ZMYM5: variants seen among roughly 807,000 people sequenced by gnomAD.
ZMYM5 encodes zinc finger MYM-type protein 5.
In ZMYM5, 41 loss-of-function variants were observed where a neutral mutation model predicts 61.8. The observed-to-expected ratio is 0.66, with a 90% CI of 0.52 to 0.86. The LOEUF (loss-of-function observed/expected upper bound fraction) is 0.86, where lower values mean the gene tolerates loss of function less well. ZMYM5 is among the 40% of genes least tolerant of loss of function. The probability of loss-of-function intolerance (pLI) is 0.00; values close to 1 mark genes in which losing one functional copy is unlikely to be tolerated. For missense variants in ZMYM5, 706 were observed against 786.7 expected, an observed-to-expected ratio of 0.90 and a Z score of 1.23; for synonymous variants, 257 against 276.4, an observed-to-expected ratio of 0.93 and a Z score of 0.70.
chr13:19,837,348 C>CCAA (rs1952705650), intron 6 of ZMYM5: 1 of 1,217,098 alleles, frequency 8.2e-7, no homozygotes, highest in Non-Finnish European at 1.1e-6. Context: ...CCCTTGACCC[C>CCAA]CAACTCTTGA....
rs532926093 is a variant in ZMYM5, at chr13:19,856,910, G to T, written c.-10-4720C>A. Among the ~76,000 whole-genome samples, 3 of 152,102 alleles carry T rather than the reference G, an allele frequency of 2.0e-5. No individual in the cohort carries two copies. In the South Asian group the frequency reaches 6.2e-4, roughly 32 times the overall value. ...TCATGAGGTCAGGAGATCGAGACCA[G>T]CCTGGCTAACACAGTGAAACCCCGC... On this transcript the variant is annotated intron_variant, in intron 2 of 7. Coordinates refer to ENST00000337963, the MANE Select transcript of ZMYM5 (RefSeq NM_001142684.2).
chr13:19,853,716 T>A (rs1474081640), intron 2 of ZMYM5, among the ~76,000 whole-genome samples: 1 of 151,508 alleles, frequency 6.6e-6, no homozygotes, highest in African/African-American at 2.4e-5. Context: ...ATCCCCCGGC[T>A]TTAACTTCCT....
intron 7 of ZMYM5, among the ~76,000 whole-genome samples, chr13:19,834,269 C>T (rs1474199588): frequency 6.6e-6 from 1 of 151,520 alleles, no homozygotes; most frequent in Middle Eastern, 3.4e-3. Flanking sequence ...TGAGCCACCA[C>T]GTCCAGCCTA....
At chr13:19,826,782 C>T (rs1404070893) in intron 7 of ZMYM5, among the ~76,000 whole-genome samples, 1 of 150,684 alleles carries the variant, frequency 6.6e-6, no homozygotes, top group East Asian at 1.9e-4. Flanking sequence ...AAAACTGTGT[C>T]CACACAAAAA....
At chr13:19,849,796 A>G (rs901351861) in intron 4 of ZMYM5, among the ~76,000 whole-genome samples, 4 of 152,084 alleles carry the variant, frequency 2.6e-5, no homozygotes, top group African/African-American at 9.7e-5. Context: ...CCTGGCCAAC[A>G]TAGTGAAACC....
At chr13:19,845,248 T>C (rs1425860921) in intron 4 of ZMYM5, among the ~76,000 whole-genome samples, 2 of 152,212 alleles carry the variant, frequency 1.3e-5, no homozygotes, top group Non-Finnish European at 2.9e-5. Flanking sequence ...TCTACTTGTA[T>C]TCAGCCTTGT....
At chr13:19,854,440 C>T (rs1476289025) in intron 2 of ZMYM5, among the ~76,000 whole-genome samples, 2 of 152,036 alleles carry the variant, frequency 1.3e-5, no homozygotes, top group African/African-American at 4.8e-5. Flanking sequence ...GCCTGGTCAA[C>T]GTGGTGAAAC....
chr13:19,847,803 ATTT>A (rs34176871), intron 4 of ZMYM5, among the ~76,000 whole-genome samples: 1 of 79,894 alleles, frequency 1.3e-5, no homozygotes, highest in Non-Finnish European at 2.2e-5. Flanking sequence ...TGCCCGGCTA[ATTT>A]TTTTTTTTTT....
Position 19,860,292 on chromosome 13 carries a change from ATT to A in ZMYM5, c.-11+2105_-11+2106del, listed in dbSNP as rs1176148584. Among the ~76,000 whole-genome samples, 468 of 130,058 alleles carry A rather than the reference ATT, an allele frequency of 3.6e-3. 2 individuals are homozygous for A. Among genetic ancestry groups the A allele is most frequent in the South Asian group, 0.026 (108 of 4,114 alleles). 85.3% of individuals were successfully genotyped at this position (130,058 alleles called of 152,430 possible). A position where few individuals can be genotyped will look rare whatever the true frequency, so the allele number is the denominator to read the frequency against. On this transcript the variant is annotated intron_variant, in intron 2 of 7. Transcript: ENST00000337963. ...AGGCACCCACCAGCACACCCGTTTA[ATT>A]TTTTTTTTTTTTTTTGAGACAGAGT...
In ZMYM5 at chr13:19,824,800, A is replaced by AATT; in HGVS notation, c.1686_1687insAAT (p.Thr562_Tyr563insAsn). 2 of 1,353,454 alleles carry AATT rather than the reference A, an allele frequency of 1.5e-6. No homozygotes were observed. Among genetic ancestry groups the AATT allele is most frequent in the Non-Finnish European group, 2.0e-6 (2 of 1,013,956 alleles). 83.8% of individuals were successfully genotyped at this position (1,353,454 alleles called of 1,614,324 possible). ...CCATTTGGAAGAATCCGTGTATAATAAGTTTCTGAAAACTTCCTCCCTGTA... is the reference window on the plus strand; with the variant it reads ...CCATTTGGAAGAATCCGTGTATAATAATTAGTTTCTGAAAACTTCCTCCCTGTA... On this transcript the variant is annotated inframe_insertion, in exon 8 of 8. Coordinates refer to ENST00000337963, the MANE Select transcript of ZMYM5 (RefSeq NM_001142684.2).
At chr13:19,843,013 G>C (rs1488663801) in intron 4 of ZMYM5, among the ~76,000 whole-genome samples, 1 of 147,280 alleles carries the variant, frequency 6.8e-6, no homozygotes, top group Non-Finnish European at 1.5e-5. Context: ...ATGGAGTTTC[G>C]CTATGTTGCC....
chr13:19,834,762 G>A (rs1333174285), intron 7 of ZMYM5, among the ~76,000 whole-genome samples: 1 of 152,030 alleles, frequency 6.6e-6, no homozygotes, highest in Non-Finnish European at 1.5e-5. Context: ...ATGATCTCGG[G>A]TTTGCAACCT....
intron 2 of ZMYM5, among the ~76,000 whole-genome samples, chr13:19,855,946 G>C (rs1175219652): frequency 2.6e-5 from 4 of 151,716 alleles, no homozygotes; most frequent in African/African-American, 9.7e-5. Context: ...AACCCAGGAG[G>C]CGGAGCTTGC....
intron 4 of ZMYM5, among the ~76,000 whole-genome samples, chr13:19,849,326 G>A (rs1356700806): frequency 1.3e-5 from 2 of 152,108 alleles, no homozygotes; most frequent in Admixed American, 6.6e-5. Flanking sequence ...TCTTCGCTAC[G>A]TTACTGAGGC....
Position 19,857,742 on chromosome 13 carries a change from A to C in ZMYM5, c.-11+4657T>G, listed in dbSNP as rs548075360. Among the ~76,000 whole-genome samples, 6 of 152,230 alleles carry C rather than the reference A, an allele frequency of 3.9e-5. No individual in the cohort carries two copies. The South Asian group carries it at 1.2e-3, about 32-fold the overall frequency. On this transcript the variant is annotated intron_variant, in intron 2 of 7. Transcript: ENST00000337963. ...CTACAAAAAAATAAAGGCCAGGTAC[A>C]GTGGCTCATGCCTATAATCTGAGCA...
chr13:19,856,471 C>T (rs1200802080), intron 2 of ZMYM5, among the ~76,000 whole-genome samples: 14 of 151,664 alleles, frequency 9.2e-5, no homozygotes, highest in Admixed American at 9.2e-4. Flanking sequence ...AGAAACCCCA[C>T]CTCTACTAAA....
At chr13:19,837,949 A>G in intron 5 of ZMYM5, 128 bp from the exon 6 acceptor site, 1 of 1,065,710 alleles carries the variant, frequency 9.4e-7, no homozygotes, top group Non-Finnish European at 1.3e-6. Flanking sequence ...TAACTTTTAG[A>G]TGCAGCAAAT....
At chr13:19,857,960 C>G (rs555087600) in intron 2 of ZMYM5, among the ~76,000 whole-genome samples, 29 of 152,134 alleles carry the variant, frequency 1.9e-4, no homozygotes, top group African/African-American at 6.7e-4. Flanking sequence ...TTGCAGTGAG[C>G]CATGATCACA....
intron 7 of ZMYM5, among the ~76,000 whole-genome samples, chr13:19,825,815 T>C (rs1890885843): frequency 1.3e-5 from 2 of 151,732 alleles, no homozygotes; most frequent in South Asian, 2.1e-4. Flanking sequence ...CCAAGGCGGG[T>C]GGATCAGTTG....
Sources: gnomAD v4.1 joint callset for allele counts (sites outside exome capture counted in the v4.1 genomes callset) on GRCh38, gnomAD v4.1.1 for gene constraint, MANE v1.5 for transcripts, NCBI Gene and HGNC (gene_info 2026-07-23, HGNC 2026-07-21) for gene names.